The following RXFP1 variants were observed in gnomAD, a reference collection of about 807,000 sequenced individuals.
The protein encoded by RXFP1 is relaxin family peptide receptor 1, also known as relaxin receptor 1.
RXFP1 carries 73 observed loss-of-function variants against 89.8 expected under a neutral mutation model. That is an observed-to-expected ratio of 0.81 (90% CI 0.67 to 0.99). The LOEUF is 0.99. RXFP1 is among the 50% of genes least tolerant of loss of function. The pLI, the probability that RXFP1 is intolerant of heterozygous loss-of-function variation, is 0.00. For missense variants in RXFP1, 793 were observed against 895.5 expected (o/e 0.89, Z 1.46); for synonymous variants, 277 against 305.5 (o/e 0.91, Z 0.97).
chr4:158,572,270 T>C (rs1021056903), intron 1 of RXFP1, among the ~76,000 whole-genome samples: 11 of 152,196 alleles, frequency 7.2e-5, no homozygotes, highest in African/African-American at 2.4e-4. Flanking sequence ...GGTGAGACAA[T>C]GAACCACAGG....
intron 1 of RXFP1, among the ~76,000 whole-genome samples, chr4:158,558,462 T>A (rs1185972350): frequency 6.6e-6 from 1 of 152,216 alleles, no homozygotes; most frequent in Non-Finnish European, 1.5e-5. Context: ...GCACATGTGG[T>A]TTGGCATAGC....
At chr4:158,644,274 C>G (rs748147605) in intron 14 of RXFP1, among the ~76,000 whole-genome samples, 1 of 152,024 alleles carries the variant, frequency 6.6e-6, no homozygotes, top group Non-Finnish European at 1.5e-5. Flanking sequence ...TCTCAATATC[C>G]TGACCTCGTG....
At chr4:158,559,772 A>G (rs1292301339) in intron 1 of RXFP1, among the ~76,000 whole-genome samples, 3 of 152,214 alleles carry the variant, frequency 2.0e-5, no homozygotes, top group African/African-American at 7.2e-5. Flanking sequence ...ATCTTTACAC[A>G]ATTCTACAAT....
chr4:158,586,847 T>C (rs1437724198), intron 2 of RXFP1, among the ~76,000 whole-genome samples: 1 of 152,096 alleles, frequency 6.6e-6, no homozygotes, highest in Non-Finnish European at 1.5e-5. Flanking sequence ...ATTAGGAAAT[T>C]GCACATAGCC....
At chr4:158,548,410 C>T (rs1209250466) in intron 1 of RXFP1, among the ~76,000 whole-genome samples, 1 of 152,124 alleles carries the variant, frequency 6.6e-6, no homozygotes, top group Non-Finnish European at 1.5e-5. Context: ...ATCCAATTTG[C>T]CAGTCTGTGT....
intron 2 of RXFP1, among the ~76,000 whole-genome samples, chr4:158,574,978 T>TC (rs1380306352): frequency 2.6e-5 from 4 of 152,218 alleles, no homozygotes; most frequent in Admixed American, 2.6e-4. Context: ...GCTAGTCAGT[T>TC]CCCCGTCGAC....
intron 9 of RXFP1, among the ~76,000 whole-genome samples, chr4:158,623,918 T>C (rs936650343): frequency 3.9e-5 from 6 of 152,136 alleles, no homozygotes. Flanking sequence ...ATATGAAAGA[T>C]CCTGGGTTTC....
intron 1 of RXFP1, among the ~76,000 whole-genome samples, chr4:158,553,991 CTTTG>C: frequency 6.6e-6 from 1 of 152,200 alleles, no homozygotes; most frequent in Admixed American, 6.5e-5. Context: ...ACAGATAAAT[CTTTG>C]TTTGGGGGAA....
chr4:158,605,986 C>T (rs1308760124), intron 5 of RXFP1, among the ~76,000 whole-genome samples: 1 of 152,164 alleles, frequency 6.6e-6, no homozygotes, highest in Non-Finnish European at 1.5e-5. Flanking sequence ...CCACTTCCTT[C>T]AGTGAAATGT....
intron 2 of RXFP1, among the ~76,000 whole-genome samples, chr4:158,576,854 C>A (rs1470422709): frequency 6.6e-6 from 1 of 152,172 alleles, no homozygotes; most frequent in African/African-American, 2.4e-5. Flanking sequence ...GGAAGGATGG[C>A]AGAATTTCAT....
intron 11 of RXFP1, among the ~76,000 whole-genome samples, chr4:158,632,202 T>G (rs1043527198): frequency 5.9e-5 from 9 of 152,208 alleles, no homozygotes; most frequent in Non-Finnish European, 2.9e-5. Context: ...CCGATAAATA[T>G]GTAACTAACA....
At chr4:158,648,194 C>T (rs1388393336) in intron 16 of RXFP1, among the ~76,000 whole-genome samples, 2 of 152,024 alleles carry the variant, frequency 1.3e-5, no homozygotes, top group African/African-American at 4.8e-5. Flanking sequence ...AAAAATAAAA[C>T]ATCACTAATA....
chr4:158,615,149 T>A (rs985090082), intron 8 of RXFP1, among the ~76,000 whole-genome samples: 5 of 152,102 alleles, frequency 3.3e-5, no homozygotes, highest in Non-Finnish European at 7.4e-5. Flanking sequence ...TCAATATTGT[T>A]GTGTTTCAGG....
chr4:158,625,695 T>C (rs965197696), intron 9 of RXFP1, among the ~76,000 whole-genome samples: 1 of 152,122 alleles, frequency 6.6e-6, no homozygotes, highest in Admixed American at 6.5e-5. Context: ...GACTCACATG[T>C]TGGCAGTGGA....
intron 15 of RXFP1, 80 bp from the exon 16 acceptor site, chr4:158,646,711 C>T (rs752816907): frequency 6.8e-6 from 10 of 1,476,316 alleles, no homozygotes; most frequent in Non-Finnish European, 8.1e-6. Flanking sequence ...TTTTTTCTAG[C>T]ATTAAAAATA....
chr4:158,533,745 C>T (rs900182660), intron 1 of RXFP1, among the ~76,000 whole-genome samples: 3 of 152,004 alleles, frequency 2.0e-5, no homozygotes, highest in African/African-American at 7.2e-5. Flanking sequence ...ACCAATTTTC[C>T]CTACTTTTCT....
chr4:158,642,521 A>G (rs1770576865), intron 14 of RXFP1, among the ~76,000 whole-genome samples: 1 of 152,170 alleles, frequency 6.6e-6, no homozygotes, highest in South Asian at 2.1e-4. Flanking sequence ...TTTAGCTTCC[A>G]TATATGAGAA....
At chr4:158,533,192 T>C (rs1744478329) in intron 1 of RXFP1, among the ~76,000 whole-genome samples, 1 of 152,174 alleles carries the variant, frequency 6.6e-6, no homozygotes. Flanking sequence ...AAAAATATTA[T>C]CTCTCTCAAG....
intron 14 of RXFP1, among the ~76,000 whole-genome samples, chr4:158,640,752 G>A (rs1346341875): frequency 6.6e-6 from 1 of 152,122 alleles, no homozygotes; most frequent in Non-Finnish European, 1.5e-5. Context: ...GCTACCAGAT[G>A]AAGAGGAAGG....
Sources: allele counts gnomAD v4.1 joint callset (sites outside exome capture counted in the v4.1 genomes callset), GRCh38; gene constraint gnomAD v4.1.1; transcripts MANE v1.5; gene names NCBI Gene and HGNC (gene_info 2026-07-23, HGNC 2026-07-21).